The following SLC26A7 variants were observed in gnomAD, a reference collection of about 807,000 sequenced individuals.
SLC26A7 encodes the protein anion exchange transporter.
Under a neutral mutation model 82.5 loss-of-function variants are expected in SLC26A7, and 59 were observed. The observed-to-expected ratio is 0.72, with a 90% CI of 0.58 to 0.89. SLC26A7 has a LOEUF of 0.89. SLC26A7 is among the 40% of genes least tolerant of loss of function. The pLI, the probability that SLC26A7 is intolerant of heterozygous loss-of-function variation, is 0.00. For missense variants in SLC26A7, 820 were observed against 793.0 expected, an observed-to-expected ratio of 1.03 and a Z score of -0.41; for synonymous variants, 271 against 274.3, an observed-to-expected ratio of 0.99 and a Z score of 0.12.
chr8:91,346,439 C>A (rs559924913), intron 9 of SLC26A7, among the ~76,000 whole-genome samples: 1 of 152,046 alleles, frequency 6.6e-6, no homozygotes, highest in East Asian at 1.9e-4. Context: ...CATGACTTCA[C>A]AAAACAACCC....
chr8:91,329,767 C>T lies in SLC26A7; in HGVS notation c.643-4528C>T, dbSNP rs114279622. ...ATCTAAATAATATTCTCAATTTTAT[C>T]CTGAGATCATGAAAAATCATCAGAA... On this transcript the variant is annotated intron_variant, in intron 5 of 18. Transcript: ENST00000276609. 5.1e-3 allele frequency among the ~76,000 whole-genome samples: 769 copies of T among 152,216 alleles called. 5 individuals are homozygous for T. The highest frequency in any genetic ancestry group is 0.018 in the African/African-American group (733 of 41,548).
intron 2 of SLC26A7, among the ~76,000 whole-genome samples, chr8:91,276,390 C>T (rs1420507554): frequency 6.6e-6 from 1 of 152,038 alleles, no homozygotes; most frequent in Non-Finnish European, 1.5e-5. Context: ...CATTTTTTTA[C>T]TTTTCAAAGA....
At chr8:91,335,101 C>A in intron 6 of SLC26A7, among the ~76,000 whole-genome samples, 1 of 152,162 alleles carries the variant, frequency 6.6e-6, no homozygotes, top group East Asian at 1.9e-4. Context: ...AAAATCTTAA[C>A]ATATAACCAC....
chr8:91,369,092 C>T (rs1403057760), intron 14 of SLC26A7, among the ~76,000 whole-genome samples: 2 of 152,166 alleles, frequency 1.3e-5, no homozygotes, highest in African/African-American at 2.4e-5. Flanking sequence ...GGTTTTAACC[C>T]ATGCTCTTAC....
chr8:91,322,611 G>C (rs1023065595), intron 5 of SLC26A7, among the ~76,000 whole-genome samples: 1 of 152,156 alleles, frequency 6.6e-6, no homozygotes, highest in African/African-American at 2.4e-5. Flanking sequence ...AAAATTCCTA[G>C]TTCGTATTAG....
chr8:91,222,714 C>T (rs552946870), intron 2 of SLC26A7, among the ~76,000 whole-genome samples: 1 of 152,136 alleles, frequency 6.6e-6, no homozygotes, highest in Admixed American at 6.5e-5. Flanking sequence ...CTGACTTGAT[C>T]GTGGTGGATA....
At chr8:91,308,246 GGTGTGTGTGT>G (rs35920887) in intron 4 of SLC26A7, among the ~76,000 whole-genome samples, 6 of 145,748 alleles carry the variant, frequency 4.1e-5, no homozygotes, top group African/African-American at 1.5e-4. Context: ...AGGAGGAAGA[GGTGTGTGTGT>G]GTGTGTGTGT....
At chr8:91,260,217 G>A (rs1324630527) in intron 2 of SLC26A7, among the ~76,000 whole-genome samples, 1 of 152,082 alleles carries the variant, frequency 6.6e-6, no homozygotes, top group East Asian at 1.9e-4. Context: ...GGTAAAACAA[G>A]CACCTTCTTC....
intron 2 of SLC26A7, among the ~76,000 whole-genome samples, chr8:91,264,748 A>T (rs73694607): frequency 0.024 from 3,697 of 151,676 alleles, 156 homozygotes; most frequent in African/African-American, 0.08. Flanking sequence ...CTTGCCAAAA[A>T]TTTTTTTTTG....
chr8:91,336,716 G>A (rs974449275), intron 6 of SLC26A7, among the ~76,000 whole-genome samples: 15 of 152,176 alleles, frequency 9.9e-5, no homozygotes, highest in African/African-American at 3.6e-4. Context: ...CAACTGATAA[G>A]GAAAGTTTAA....
intron 2 of SLC26A7, among the ~76,000 whole-genome samples, chr8:91,271,953 T>C (rs938151043): frequency 5.3e-5 from 8 of 152,166 alleles, no homozygotes; most frequent in African/African-American, 1.9e-4. Context: ...AGGGGATAAT[T>C]ACTGTTTACC....
intron 2 of SLC26A7, among the ~76,000 whole-genome samples, chr8:91,259,082 CT>C (rs1375197157): frequency 1.3e-5 from 2 of 152,198 alleles, no homozygotes; most frequent in African/African-American, 4.8e-5. Flanking sequence ...AATACTACCC[CT>C]GGGACTGAAA....
At chr8:91,351,463 C>G (rs1414546725) in intron 9 of SLC26A7, among the ~76,000 whole-genome samples, 1 of 152,060 alleles carries the variant, frequency 6.6e-6, no homozygotes, top group Non-Finnish European at 1.5e-5. Context: ...GGCTAAACAA[C>G]AACAGGCTAA....
intron 11 of SLC26A7, among the ~76,000 whole-genome samples, chr8:91,356,475 G>A (rs904098800): frequency 1.3e-5 from 2 of 152,042 alleles, no homozygotes; most frequent in African/African-American, 2.4e-5. Context: ...TTCTCTGATG[G>A]CCAGTGATGA....
chr8:91,234,827 A>ACCTACTTCCTTCCTTC (rs1386380375), intron 2 of SLC26A7, among the ~76,000 whole-genome samples: 2,098 of 92,236 alleles, frequency 0.023, 30 homozygotes, highest in East Asian at 0.046. Context: ...CTACCTACCT[A>ACCTACTTCCTTCCTTC]CTTCCTTCCT....
rs146529797 is a variant in SLC26A7 at position 91,366,610 on chromosome 8, A to G, written c.1519A>G (p.Ile507Val). 91 of 1,613,490 alleles carry G rather than the reference A, an allele frequency of 5.6e-5. No individual in the cohort carries two copies. The African/African-American group carries it at 1.2e-3, about 21-fold the overall frequency. The change falls in exon 14 of 19, where the codon ATA (isoleucine) becomes GTA (valine). Residue 507 changes from isoleucine to valine, a missense_variant. Transcript: ENST00000276609. ...ETLQQVKIIS[I>V]NNPLVFLNAK... ...CCTGCAGCAGGTGAAAATTATCTCA[A>G]TAAACAACCCGCTTGTTTTCCTGAA...
At chr8:91,343,282 C>T in intron 8 of SLC26A7, 71 bp from the exon 9 acceptor site, 2 of 968,480 alleles carry the variant, frequency 2.1e-6, no homozygotes, top group East Asian at 2.6e-5. Flanking sequence ...CATTATGTGA[C>T]AAATTGTACC....
intron 2 of SLC26A7, among the ~76,000 whole-genome samples, chr8:91,267,289 A>T (rs1347272806): frequency 6.6e-6 from 1 of 151,884 alleles, no homozygotes; most frequent in African/African-American, 2.4e-5. Flanking sequence ...GTTTGGCAGT[A>T]TTCTCTCCTC....
rs139453695 is a variant in SLC26A7, at chr8:91,392,098, C to T, written c.1777-1699C>T. Among the ~76,000 whole-genome samples, 441 of 152,250 alleles carry T rather than the reference C, an allele frequency of 2.9e-3. 1 individual carries two copies. Among genetic ancestry groups the T allele is most frequent in the Middle Eastern group, 0.02 (6 of 294 alleles). On this transcript the variant is annotated intron_variant, in intron 16 of 18. Transcript: ENST00000276609. ...GATCTGTACACTGGAATGACAGGATCAATCAACTGATGCAATTTATTTTTA... is the reference window on the plus strand; with the variant it reads ...GATCTGTACACTGGAATGACAGGATTAATCAACTGATGCAATTTATTTTTA...
Sources: allele counts gnomAD v4.1 joint callset (sites outside exome capture counted in the v4.1 genomes callset), GRCh38; gene constraint gnomAD v4.1.1; transcripts MANE v1.5; gene names NCBI Gene and HGNC (gene_info 2026-07-23, HGNC 2026-07-21).